The following SOD2 variants were observed in gnomAD, a reference collection of about 807,000 sequenced individuals.
SOD2 encodes the protein superoxide dismutase [Mn], mitochondrial.
Under a neutral mutation model 27.0 loss-of-function variants are expected in SOD2, and 11 were observed. The observed-to-expected ratio is 0.41, with a 90% CI of 0.26 to 0.67. SOD2 has a LOEUF of 0.67. SOD2 is among the 30% of genes least tolerant of loss of function. SOD2 has a pLI of 0.34. For synonymous variants in SOD2, 105 were observed against 103.0 expected (o/e 1.02, Z -0.12); for missense variants, 250 against 274.5 (o/e 0.91, Z 0.63).
intron 1 of SOD2, among the ~76,000 whole-genome samples, chr6:159,750,895 C>G (rs983738560): frequency 2.2e-4 from 33 of 152,352 alleles, no homozygotes; most frequent in African/African-American, 7.5e-4. Context: ...GGGTTGCGTG[C>G]ACGCGCACGC....
At chr6:159,695,645 C>T (rs1037903198), upstream of SOD2, among the ~76,000 whole-genome samples, 28 of 152,188 alleles carry the variant, frequency 1.8e-4, no homozygotes, top group African/African-American at 6.3e-4. Context: ...CAGGTGCATA[C>T]CACCATGCCT....
intron 1 of SOD2, among the ~76,000 whole-genome samples, chr6:159,712,358 C>CACACT (rs1777822424): frequency 1.4e-5 from 2 of 138,482 alleles, no homozygotes; most frequent in Non-Finnish European, 3.2e-5. Flanking sequence ...AACCACCACT[C>CACACT]AGCTGCTCTG....
At chr6:159,725,192 A>G (rs9457712) in intron 1 of SOD2, among the ~76,000 whole-genome samples, 90,884 of 152,026 alleles carry the variant, frequency 0.6, 28,531 homozygotes, top group East Asian at 0.82. Flanking sequence ...TCAAAAGCTC[A>G]GAGGGGCCAG....
At chr6:159,738,003 C>T (rs1452247723) in intron 1 of SOD2, among the ~76,000 whole-genome samples, 3 of 152,180 alleles carry the variant, frequency 2.0e-5, no homozygotes, top group African/African-American at 7.2e-5. Flanking sequence ...TTGTTAACAC[C>T]TTGCGTGACT....
intron 1 of SOD2, chr6:159,712,981 A>ATCTTCC (rs1481902775): frequency 3.2e-6 from 2 of 625,124 alleles, no homozygotes; most frequent in African/African-American, 3.7e-5. Flanking sequence ...CTGCCACTGC[A>ATCTTCC]TCTTCGTGAG....
chr6:159,696,120 G>A (rs899096899), upstream of SOD2, among the ~76,000 whole-genome samples: 1 of 152,148 alleles, frequency 6.6e-6, no homozygotes, highest in Non-Finnish European at 1.5e-5. Context: ...ACAGAAGAGT[G>A]TATTCCCTCA....
upstream of SOD2, among the ~76,000 whole-genome samples, chr6:159,728,335 A>G (rs932247603): frequency 1.3e-5 from 2 of 152,208 alleles, no homozygotes; most frequent in African/African-American, 4.8e-5. Context: ...TCTTGTTTTG[A>G]TAAGAAAGTC....
intron 1 of SOD2, chr6:159,755,169 G>C (rs1484361016): frequency 6.2e-7 from 1 of 1,614,016 alleles, no homozygotes; most frequent in African/African-American, 1.3e-5. Context: ...TCTGCCCCAA[G>C]TACCAGCAGG....
Position 159,761,934 on chromosome 6 carries a change from C to T in SOD2, c.-1233G>A, listed in dbSNP as rs1780141240. 5 of 925,684 alleles carry T rather than the reference C, an allele frequency of 5.4e-6. No homozygotes were observed. In the East Asian group the frequency reaches 1.2e-4, roughly 21 times the overall value. 57.3% of individuals were successfully genotyped at this position (925,684 alleles called of 1,614,324 possible). A position where few individuals can be genotyped will look rare whatever the true frequency, so the allele number is the denominator to read the frequency against. On this transcript the variant is annotated 5_prime_UTR_variant, in exon 1 of 8. Coordinates refer to the SOD2 transcript ENST00000546087. ...CCCCTGCTCCGGCCTTGCGCCTGCG[C>T]ACAGTGGGATGCGCGGGGAGGTGGT...
intron 1 of SOD2, among the ~76,000 whole-genome samples, chr6:159,708,931 G>C (rs1777677999): frequency 6.7e-6 from 1 of 148,952 alleles, no homozygotes; most frequent in African/African-American, 2.6e-5. Context: ...TAGACCAATG[G>C]AACAGAACAG....
At chr6:159,725,396 G>A (rs1172847950) in intron 1 of SOD2, among the ~76,000 whole-genome samples, 3 of 150,284 alleles carry the variant, frequency 2.0e-5, no homozygotes, top group South Asian at 4.2e-4. Flanking sequence ...TGAGAGAATC[G>A]CTTGAACCCA....
upstream of SOD2, among the ~76,000 whole-genome samples, chr6:159,695,520 TTC>T (rs1279107800): frequency 6.6e-6 from 1 of 152,144 alleles, no homozygotes; most frequent in African/African-American, 2.4e-5. Flanking sequence ...AGGCTCCGTT[TTC>T]TTTTTCTTTT....
upstream of SOD2, among the ~76,000 whole-genome samples, chr6:159,694,458 C>A (rs765225788): frequency 6.6e-6 from 1 of 152,162 alleles, no homozygotes; most frequent in Non-Finnish European, 1.5e-5. Context: ...CGAAGAGGAA[C>A]CACCTGAACT....
At chr6:159,736,442 A>G (rs369258459) in intron 1 of SOD2, 78 of 648,866 alleles carry the variant, frequency 1.2e-4, no homozygotes, top group Middle Eastern at 8.1e-4. Flanking sequence ...ATAGCATTGG[A>G]GTTGTACAGT....
At chr6:159,724,159 A>T (rs1442887885) in intron 1 of SOD2, among the ~76,000 whole-genome samples, 4 of 150,570 alleles carry the variant, frequency 2.7e-5, no homozygotes, top group Non-Finnish European at 5.9e-5. Context: ...AAATTGTTTT[A>T]AATTTTTTAA....
At chr6:159,698,178 C>T (rs1001112491), upstream of SOD2, among the ~76,000 whole-genome samples, 3 of 152,142 alleles carry the variant, frequency 2.0e-5, no homozygotes, top group Non-Finnish European at 4.4e-5. Context: ...GAGGCTGAGG[C>T]AGAAGAATCG....
At chr6:159,736,837 C>A (rs1180099304) in intron 1 of SOD2, 1 of 152,156 alleles carries the variant, frequency 6.6e-6, no homozygotes, top group Non-Finnish European at 1.5e-5. Flanking sequence ...CACACACATA[C>A]ACACACACAG....
At chr6:159,743,411 GA>G (rs1562461080) in intron 1 of SOD2, among the ~76,000 whole-genome samples, 1 of 152,214 alleles carries the variant, frequency 6.6e-6, no homozygotes, top group East Asian at 1.9e-4. Flanking sequence ...GTATAACACA[GA>G]TGTTTTCTGT....
intron 1 of SOD2, among the ~76,000 whole-genome samples, chr6:159,750,481 C>A (rs1235817578): frequency 3.3e-5 from 5 of 152,146 alleles, no homozygotes; most frequent in African/African-American, 9.7e-5. Context: ...CCTTGACATC[C>A]TCATTCTCTT....
Sources: gnomAD v4.1 joint callset for allele counts (sites outside exome capture counted in the v4.1 genomes callset) on GRCh38, gnomAD v4.1.1 for gene constraint, MANE v1.5 for transcripts, NCBI Gene and HGNC (gene_info 2026-07-23, HGNC 2026-07-21) for gene names.